The following RUNX1T1 variants were observed in gnomAD, a reference collection of about 807,000 sequenced individuals.
RUNX1T1 encodes RUNX1 partner transcriptional co-repressor 1.
A neutral mutation model predicts 62.8 loss-of-function variants in RUNX1T1; 4 were observed. That is an observed-to-expected ratio of 0.06 (90% CI 0.03 to 0.15). The LOEUF (loss-of-function observed/expected upper bound fraction) is 0.15, where lower values mean the gene tolerates loss of function less well. RUNX1T1 is among the 10% of genes least tolerant of loss of function. The probability of loss-of-function intolerance (pLI) is 1.00; values close to 1 mark genes in which losing one functional copy is unlikely to be tolerated. For synonymous variants in RUNX1T1, 291 were observed against 286.0 expected (o/e 1.02, Z -0.18); for missense variants, 508 against 754.3 (o/e 0.67, Z 3.82).
At chr8:91,956,677 T>G (rs1418833849), downstream of RUNX1T1, 1 of 225,916 alleles carries the variant, frequency 4.4e-6, no homozygotes, top group Non-Finnish European at 8.8e-6. Flanking sequence ...GACAAAAGCA[T>G]GATGCCTAGA....
chr8:92,085,207 T>G (rs1835906924), intron 1 of RUNX1T1, among the ~76,000 whole-genome samples: 1 of 152,210 alleles, frequency 6.6e-6, no homozygotes, highest in Non-Finnish European at 1.5e-5. Flanking sequence ...GCAGCATCAC[T>G]TCCCTCTGGA....
intron 10 of RUNX1T1, among the ~76,000 whole-genome samples, chr8:91,960,994 ATAGAG>A (rs1267858996): frequency 6.6e-6 from 1 of 152,228 alleles, no homozygotes. Flanking sequence ...AATAAATATA[ATAGAG>A]TAGATAAGGG....
upstream of RUNX1T1, among the ~76,000 whole-genome samples, chr8:92,066,834 A>C (rs1166255158): frequency 6.6e-6 from 1 of 152,266 alleles, no homozygotes; most frequent in Non-Finnish European, 1.5e-5. Flanking sequence ...AGGGGGAAAG[A>C]AAAAACTAAG....
chr8:92,020,739 T>C (rs2131205968), intron 1 of RUNX1T1, among the ~76,000 whole-genome samples: 1 of 151,988 alleles, frequency 6.6e-6, no homozygotes, highest in Non-Finnish European at 1.5e-5. Context: ...GGAAAACAAA[T>C]GTGGCATATA....
chr8:92,029,652 C>T (rs1825873890), intron 1 of RUNX1T1, among the ~76,000 whole-genome samples: 1 of 152,168 alleles, frequency 6.6e-6, no homozygotes, highest in Admixed American at 6.5e-5. Flanking sequence ...TCAAATTATT[C>T]TGCCTCCTCC....
intron 6 of RUNX1T1, among the ~76,000 whole-genome samples, chr8:91,990,642 C>A (rs1484489284): frequency 6.9e-6 from 1 of 144,062 alleles, no homozygotes; most frequent in Non-Finnish European, 1.5e-5. Flanking sequence ...AAATGCTTTA[C>A]TACTTTTTTT....
chr8:92,062,799 A>AC (rs770128529), exon 1 of RUNX1T1: 82 of 1,470,414 alleles, frequency 5.6e-5, no homozygotes, highest in Non-Finnish European at 7.3e-5. Context: ...GTGGCCTTGA[A>AC]CCCAGCCCTG....
chr8:92,027,371 C>T (rs1825417533), intron 1 of RUNX1T1, among the ~76,000 whole-genome samples: 1 of 151,964 alleles, frequency 6.6e-6, no homozygotes, highest in African/African-American at 2.4e-5. Context: ...GAAATGTTAC[C>T]CTAGAAATAA....
chr8:92,020,673 CGT>C (rs1823904637), intron 1 of RUNX1T1, among the ~76,000 whole-genome samples: 1 of 152,158 alleles, frequency 6.6e-6, no homozygotes, highest in South Asian at 2.1e-4. Context: ...CTCTGTGTAA[CGT>C]TTCTCTCACA....
chr8:91,981,137 C>T (rs766978753), intron 8 of RUNX1T1, among the ~76,000 whole-genome samples: 10 of 152,150 alleles, frequency 6.6e-5, no homozygotes, highest in Non-Finnish European at 8.8e-5. Context: ...AACTGAAGCA[C>T]AAAGAGATTA....
chr8:91,976,032 G>T (rs1299986180), intron 8 of RUNX1T1, 59 bp from the exon 10 acceptor site: 6 of 1,212,962 alleles, frequency 4.9e-6, no homozygotes, highest in Non-Finnish European at 6.1e-6. Context: ...GCACACTTGT[G>T]TCATCGCACA....
At chr8:92,043,621 G>A (rs1828862669) in intron 1 of RUNX1T1, among the ~76,000 whole-genome samples, 1 of 151,998 alleles carries the variant, frequency 6.6e-6, no homozygotes, top group Non-Finnish European at 1.5e-5. Flanking sequence ...ATTTTCAGCT[G>A]TAATTTCCTT....
intron 1 of RUNX1T1, among the ~76,000 whole-genome samples, chr8:92,040,901 G>T (rs1206300933): frequency 1.3e-5 from 2 of 152,048 alleles, no homozygotes; most frequent in Admixed American, 6.6e-5. Flanking sequence ...CAAATACGAG[G>T]TCTTACTCTG....
At chr8:92,072,442 C>CAT (rs770181750) in intron 2 of RUNX1T1, among the ~76,000 whole-genome samples, 13 of 152,012 alleles carry the variant, frequency 8.6e-5, no homozygotes, top group Non-Finnish European at 1.9e-4. Context: ...TATTTATATA[C>CAT]ATATATATAA....
At chr8:91,957,199 CA>C, downstream of RUNX1T1, 1 of 216,822 alleles carries the variant, frequency 4.6e-6, no homozygotes, top group Non-Finnish European at 9.3e-6. Context: ...AAGTGACAAG[CA>C]AAAAAGGAAA....
intron 4 of RUNX1T1, among the ~76,000 whole-genome samples, chr8:92,007,307 A>T (rs1820977586): frequency 1.3e-5 from 2 of 151,992 alleles, no homozygotes; most frequent in Admixed American, 6.6e-5. Flanking sequence ...TCCTACTAAA[A>T]ACACAAACAA....
chr8:92,022,470 G>A (rs1008807790), intron 1 of RUNX1T1, among the ~76,000 whole-genome samples: 2 of 152,072 alleles, frequency 1.3e-5, no homozygotes, highest in African/African-American at 4.8e-5. Flanking sequence ...TTAAGAACTG[G>A]GGCCTTTGGG....
At chr8:92,051,426 A>G in intron 1 of RUNX1T1, among the ~76,000 whole-genome samples, 1 of 152,212 alleles carries the variant, frequency 6.6e-6, no homozygotes, top group East Asian at 1.9e-4. Flanking sequence ...CATGGTTTCA[A>G]ATAAGAAAAA....
chr8:92,084,656 T>A (rs903297121), intron 1 of RUNX1T1, among the ~76,000 whole-genome samples: 1 of 152,124 alleles, frequency 6.6e-6, no homozygotes, highest in Non-Finnish European at 1.5e-5. Context: ...GATAGCAGAG[T>A]TGGATGTAAT....
Sources: allele counts gnomAD v4.1 joint callset (sites outside exome capture counted in the v4.1 genomes callset), GRCh38; gene constraint gnomAD v4.1.1; transcripts MANE v1.5; gene names NCBI Gene and HGNC (gene_info 2026-07-23, HGNC 2026-07-21).